Variants in SLC66A2 observed in about 807,000 individuals in gnomAD.
The protein encoded by SLC66A2 is solute carrier family 66 member 2.
Under a neutral mutation model 25.5 loss-of-function variants are expected in SLC66A2, and 23 were observed. That is an observed-to-expected ratio of 0.90 (90% CI 0.65 to 1.28). The LOEUF is 1.28. SLC66A2 is among the 50% of genes most tolerant of loss of function. The pLI, the probability that SLC66A2 is intolerant of heterozygous loss-of-function variation, is 0.00. For synonymous variants in SLC66A2, 193 were observed against 166.5 expected (o/e 1.16, Z -1.23); for missense variants, 396 against 373.1 (o/e 1.06, Z -0.51).
intron 2 of SLC66A2, among the ~76,000 whole-genome samples, chr18:79,947,603 C>G (rs1431206092): frequency 4.1e-4 from 2 of 4,834 alleles, no homozygotes; most frequent in African/African-American, 5.1e-4. Context: ...TCTCTGCCCC[C>G]ACCCCAGCCC....
Position 79,905,881 on chromosome 18 carries a change from A to C in SLC66A2, c.609-1698T>G, listed in dbSNP as rs560883434. On this transcript the variant is annotated intron_variant, in intron 5 of 5. Transcript: ENST00000397778. Reference sequence around the variant, plus strand: ...TTGGTAACTCTGTAAACACACACACACCCACACACAGACACAATTTCTGGC... The same window carrying C: ...TTGGTAACTCTGTAAACACACACACCCCCACACACAGACACAATTTCTGGC... 7.2e-5 allele frequency among the ~76,000 whole-genome samples: 11 copies of C among 152,238 alleles called. No homozygotes were observed. The South Asian group carries it at 2.3e-3, about 32-fold the overall frequency.
rs1394017590 is a variant in SLC66A2 at position 79,918,542 on chromosome 18, C to A, written c.608+642G>T. 2.0e-5 allele frequency among the ~76,000 whole-genome samples: 3 copies of A among 152,174 alleles called. No individual in the cohort carries two copies. Among genetic ancestry groups the A allele is most frequent in the Non-Finnish European group, 4.4e-5 (3 of 68,022 alleles). On this transcript the variant is annotated intron_variant, in intron 5 of 5. Transcript: ENST00000397778. This position sits in a 1 kb window ranked among gnomAD's most constrained non-coding sequence, Gnocchi z 4.0. ...AAGTGTGAGGGACTAGAGTTTTCTG[C>A]CCCCGCCACAGCGAGCAGATCTGTT... is the stretch of plus-strand genomic sequence containing the variant.
chr18:79,909,554 C>CAGAGTCCCCAGCCTTCCCCACCAT (rs373831394), intron 5 of SLC66A2, among the ~76,000 whole-genome samples: 1 of 92,890 alleles, frequency 1.1e-5, no homozygotes, highest in South Asian at 5.5e-4. Context: ...TTCCCCACAC[C>CAGAGTCCCCAGCCTTCCCCACCAT]CTCACCAGAG....
chr18:79,933,301 G>C (rs572838216), intron 4 of SLC66A2, among the ~76,000 whole-genome samples: 1 of 152,254 alleles, frequency 6.6e-6, no homozygotes, highest in Non-Finnish European at 1.5e-5. Flanking sequence ...CTAATGAAGG[G>C]CAACTATGGA....
At chr18:79,909,870 C>T (rs1599491666) in intron 5 of SLC66A2, among the ~76,000 whole-genome samples, 5 of 129,182 alleles carry the variant, frequency 3.9e-5, no homozygotes, top group African/African-American at 9.0e-5. Context: ...CATCTCACCA[C>T]AGAGTCCCCA....
At chr18:79,925,539 G>C (rs1049036773) in intron 4 of SLC66A2, among the ~76,000 whole-genome samples, 3 of 152,236 alleles carry the variant, frequency 2.0e-5, no homozygotes, top group Non-Finnish European at 4.4e-5. Flanking sequence ...GCAGAGAACA[G>C]CTGATCCTCA....
chr18:79,941,121 A>T lies in SLC66A2; in HGVS notation c.337+2208T>A, dbSNP rs772240862. Among the ~76,000 whole-genome samples the T allele has an allele frequency of 6.6e-6, 1 of 152,202 alleles. No individual in the cohort carries two copies. The highest frequency in any genetic ancestry group is 1.5e-5 in the Non-Finnish European group (1 of 68,040). The stretch of plus-strand genomic sequence containing the variant: ...TGCAGGCTGATTATCTTAATTCTGG[A>T]GGCCAGAGGCCCAGTGGTCTCCTGA... On this transcript the variant is annotated intron_variant, in intron 3 of 5. Coordinates refer to ENST00000397778, the MANE Select transcript of SLC66A2 (RefSeq NM_025078.5). This position sits in a 1 kb window ranked among gnomAD's most constrained non-coding sequence, Gnocchi z 4.1.
chr18:79,913,563 C>A (rs1983547606), intron 5 of SLC66A2, among the ~76,000 whole-genome samples: 1 of 152,274 alleles, frequency 6.6e-6, no homozygotes, highest in African/African-American at 2.4e-5. Context: ...CAGTTGCTCA[C>A]AGGTGGAAAC....
chr18:79,933,600 C>T (rs12605316), intron 4 of SLC66A2, among the ~76,000 whole-genome samples: 36,020 of 152,148 alleles, frequency 0.24, 4,826 homozygotes, highest in Middle Eastern at 0.32. Context: ...AGCAATGAAG[C>T]AGCAGAACTG....
At chr18:79,906,734 G>C (rs1476531314) in intron 5 of SLC66A2, among the ~76,000 whole-genome samples, 2 of 152,220 alleles carry the variant, frequency 1.3e-5, no homozygotes, top group Non-Finnish European at 2.9e-5. Flanking sequence ...TGCTAACTTT[G>C]TCTGCTTTTT....
Position 79,917,366 on chromosome 18 carries a change from C to G in SLC66A2, c.608+1818G>C, listed in dbSNP as rs1245650021. On this transcript the variant is annotated intron_variant, in intron 5 of 5. Coordinates refer to ENST00000397778, the MANE Select transcript of SLC66A2 (RefSeq NM_025078.5). This position sits in a 1 kb window ranked among gnomAD's most constrained non-coding sequence, Gnocchi z 6.0. ...GGGGCCCCTGTGAGGTCACACACGG[C>G]CAGCTCCTTGTGAGGGGCCAGGAGG... 6.6e-6 allele frequency among the ~76,000 whole-genome samples: 1 copy of G among 152,222 alleles called. No homozygotes were observed. Among genetic ancestry groups the G allele is most frequent in the Non-Finnish European group, 1.5e-5 (1 of 68,024 alleles).
Position 79,903,658 on chromosome 18 carries a change from G to A in SLC66A2, c.*318C>T, listed in dbSNP as rs1209738647. ...CACCTGGAGCAGGTTCCTGCAGGCC[G>A]CCCAATGTGTACCTTGGGCTCAGAC... On this transcript the variant is annotated 3_prime_UTR_variant, in exon 6 of 6. Coordinates refer to ENST00000397778, the MANE Select transcript of SLC66A2 (RefSeq NM_025078.5). 1.1e-5 allele frequency: 4 copies of A among 367,954 alleles called. No homozygotes were observed. Among genetic ancestry groups the A allele is most frequent in the African/African-American group, 2.2e-5 (1 of 46,178 alleles). 22.8% of individuals were successfully genotyped at this position (367,954 alleles called of 1,614,324 possible). A position where few individuals can be genotyped will look rare whatever the true frequency, so the allele number is the denominator to read the frequency against.
chr18:79,936,893 G>C (rs1987146520), intron 3 of SLC66A2, among the ~76,000 whole-genome samples: 1 of 152,170 alleles, frequency 6.6e-6, no homozygotes, highest in Non-Finnish European at 1.5e-5. Flanking sequence ...TCAGTAACCG[G>C]GAGGCCGGCG....
intron 4 of SLC66A2, 75 bp from the exon 5 acceptor site, chr18:79,919,475 G>A (rs998664039): frequency 8.5e-6 from 11 of 1,297,430 alleles, no homozygotes; most frequent in African/African-American, 3.0e-5. Flanking sequence ...GGGGAGAGAC[G>A]GAACCGAGTG....
chr18:79,933,082 TAA>T (rs1381936333), intron 4 of SLC66A2, among the ~76,000 whole-genome samples: 1 of 152,022 alleles, frequency 6.6e-6, no homozygotes, highest in Admixed American at 6.5e-5. Context: ...CAGCAACAGA[TAA>T]AAAGTGTTAG....
chr18:79,934,144 A>G, intron 3 of SLC66A2, 122 bp from the exon 4 acceptor site: 1 of 778,646 alleles, frequency 1.3e-6, no homozygotes, highest in Non-Finnish European at 2.1e-6. Context: ...AAAAAAAACA[A>G]ACCAGAATAG....
chr18:79,909,767 C>A (rs1376224687), intron 5 of SLC66A2, among the ~76,000 whole-genome samples: 1 of 139,970 alleles, frequency 7.1e-6, no homozygotes, highest in African/African-American at 2.7e-5. Flanking sequence ...ACCTTCCCCA[C>A]ATCCTCACCA....
intron 4 of SLC66A2, among the ~76,000 whole-genome samples, chr18:79,930,643 CAT>C (rs1986478506): frequency 1.3e-5 from 2 of 152,012 alleles, no homozygotes; most frequent in South Asian, 2.1e-4. Flanking sequence ...GGGCCTTTAA[CAT>C]AAAGAAATGT....
At position 79,903,832 on chromosome 18, in the gene SLC66A2, C is replaced by T; in HGVS notation, c.*144G>A. 1.5e-6 allele frequency: 1 copy of T among 683,758 alleles called. No homozygotes were observed. The highest frequency in any genetic ancestry group is 2.4e-6 in the Non-Finnish European group (1 of 421,150). 42.4% of individuals were successfully genotyped at this position (683,758 alleles called of 1,614,324 possible). A position where few individuals can be genotyped will look rare whatever the true frequency, so the allele number is the denominator to read the frequency against. On this transcript the variant is annotated 3_prime_UTR_variant, in exon 6 of 6. Coordinates refer to ENST00000397778, the MANE Select transcript of SLC66A2 (RefSeq NM_025078.5). ...ACCCCCACTGCCCACCCTGAGACAC[C>T]CCACAGAGGCTGATGGAGACCCCAA...
Sources: gnomAD v4.1 joint callset for allele counts (sites outside exome capture counted in the v4.1 genomes callset) on GRCh38, gnomAD v4.1.1 for gene constraint, Gnocchi (gnomAD v3.1) non-coding constraint, MANE v1.5 for transcripts, NCBI Gene and HGNC (gene_info 2026-07-23, HGNC 2026-07-21) for gene names.